The following IL1RAPL2 variants were observed in gnomAD, a reference collection of about 807,000 sequenced individuals.
IL1RAPL2 encodes interleukin 1 receptor accessory protein like 2, also known as X-linked interleukin-1 receptor accessory protein-like 2.
In IL1RAPL2, 3 loss-of-function variants were observed where a neutral mutation model predicts 44.1. The ratio of observed to expected loss-of-function variants is 0.07; its 90% CI spans 0.03 to 0.18. The LOEUF (loss-of-function observed/expected upper bound fraction) is 0.18. Ranked by LOEUF, IL1RAPL2 falls within the 10% of genes least tolerant of loss-of-function variation. IL1RAPL2 has a pLI of 1.00. For synonymous variants in IL1RAPL2, 181 were observed against 178.8 expected (o/e 1.01, Z -0.10); for missense variants, 391 against 496.4 (o/e 0.79, Z 2.02).
chrX:104,820,895 C>T (rs1279551617), intron 2 of IL1RAPL2, among the ~76,000 whole-genome samples: 1 of 112,359 alleles, frequency 8.9e-6, no homozygotes, highest in Non-Finnish European at 1.9e-5. Flanking sequence ...GTGATACTCT[C>T]ATATGTTTCT....
intron 5 of IL1RAPL2, among the ~76,000 whole-genome samples, chrX:105,396,528 T>C (rs1478233171): frequency 4.0e-5 from 4 of 101,078 alleles, no homozygotes; most frequent in African/African-American, 1.1e-4. Flanking sequence ...ATGTCTTTTA[T>C]GTTATTTAAT....
intron 2 of IL1RAPL2, among the ~76,000 whole-genome samples, chrX:104,920,342 C>T (rs1383461938): frequency 9.1e-6 from 1 of 110,332 alleles, no homozygotes; most frequent in Non-Finnish European, 1.9e-5. Flanking sequence ...TTGCCTCAGG[C>T]TGTGCTTTTT....
At chrX:105,645,362 T>C (rs2037598335) in intron 6 of IL1RAPL2, among the ~76,000 whole-genome samples, 1 of 112,149 alleles carries the variant, frequency 8.9e-6, no homozygotes, top group African/African-American at 3.2e-5. Context: ...CTTTTGTGTA[T>C]ATTTTGAGGA....
chrX:105,410,466 A>G (rs1307527126), intron 5 of IL1RAPL2, among the ~76,000 whole-genome samples: 1 of 110,639 alleles, frequency 9.0e-6, no homozygotes, highest in African/African-American at 3.3e-5. Context: ...CAGACTGCGC[A>G]AAGTGGAGAC....
chrX:104,828,258 G>A (rs761751589), intron 2 of IL1RAPL2, among the ~76,000 whole-genome samples: 6 of 111,954 alleles, frequency 5.4e-5, no homozygotes, highest in Admixed American at 4.8e-4. Flanking sequence ...CCTCTTCTTC[G>A]TGGATTTATC....
At chrX:105,382,563 G>C (rs1412857323) in intron 5 of IL1RAPL2, among the ~76,000 whole-genome samples, 1 of 102,742 alleles carries the variant, frequency 9.7e-6, no homozygotes, top group East Asian at 3.0e-4. Context: ...TCAGTGTGGC[G>C]ATTCCTCAGG....
chrX:105,720,471 G>C (rs1161010148), intron 7 of IL1RAPL2, among the ~76,000 whole-genome samples: 2 of 110,161 alleles, frequency 1.8e-5, no homozygotes, highest in Non-Finnish European at 3.8e-5. Context: ...TTTTGCTCTG[G>C]ATTATTTCAT....
rs146182957 is a variant in IL1RAPL2, at chrX:105,113,235, G to C, written c.83-82240G>C. On this transcript the variant is annotated intron_variant, in intron 2 of 10. Transcript: ENST00000372582. ...TTGAATGAGCACAGCTATCCCCCTGGGGAGTTCCATTAAGGATAACAGTGA... is the reference window on the plus strand; with the variant it reads ...TTGAATGAGCACAGCTATCCCCCTGCGGAGTTCCATTAAGGATAACAGTGA... 8.2e-3 allele frequency among the ~76,000 whole-genome samples: 917 copies of C among 112,359 alleles called. 8 individuals carry two copies. Among genetic ancestry groups the C allele is most frequent in the Non-Finnish European group, 0.012 (658 of 53,244 alleles).
chrX:104,842,513 T>C (rs1403418854), intron 2 of IL1RAPL2, among the ~76,000 whole-genome samples: 2 of 112,184 alleles, frequency 1.8e-5, no homozygotes, highest in Admixed American at 9.4e-5. Context: ...TGTTTTTCCC[T>C]CATCTTCGTG....
At chrX:105,388,355 G>GTTTTTT (rs1907212482) in intron 5 of IL1RAPL2, among the ~76,000 whole-genome samples, 1 of 58,220 alleles carries the variant, frequency 1.7e-5, no homozygotes, top group African/African-American at 1.5e-4. Context: ...TACCAAAGCA[G>GTTTTTT]ATTTTTTTTT....
chrX:105,100,175 T>G (rs2032654462), intron 2 of IL1RAPL2, among the ~76,000 whole-genome samples: 1 of 112,173 alleles, frequency 8.9e-6, no homozygotes. Context: ...ATCATAGATC[T>G]GTATGTAGAC....
intron 6 of IL1RAPL2, among the ~76,000 whole-genome samples, chrX:105,712,800 C>T (rs1045348268): frequency 8.9e-6 from 1 of 111,875 alleles, no homozygotes; most frequent in Non-Finnish European, 1.9e-5. Context: ...AAGGCAACTC[C>T]GTTCCACCTA....
intron 1 of IL1RAPL2, among the ~76,000 whole-genome samples, chrX:104,621,212 A>G (rs1187358260): frequency 9.3e-6 from 1 of 107,077 alleles, no homozygotes; most frequent in African/African-American, 3.4e-5. Context: ...ATCAAGGTCT[A>G]ATTAGAGAAG....
chrX:105,134,347 C>T (rs1164014712), intron 2 of IL1RAPL2, among the ~76,000 whole-genome samples: 10 of 112,262 alleles, frequency 8.9e-5, no homozygotes, highest in Non-Finnish European at 1.5e-4. Flanking sequence ...GAGCTTTCTT[C>T]CTTACCCCAT....
chrX:104,837,439 A>G (rs936333972), intron 2 of IL1RAPL2, among the ~76,000 whole-genome samples: 1 of 111,834 alleles, frequency 8.9e-6, no homozygotes, highest in Non-Finnish European at 1.9e-5. Context: ...GTGAGATGGT[A>G]TCTCACTGTG....
Position 104,723,638 on chromosome X carries a change from T to C in IL1RAPL2, c.82+64643T>C, listed in dbSNP as rs200943718. ...AGGGTGAACAACAACAAAAAAATCCTACCCACAGAGAAATGACAAGGAATT... is the reference window on the plus strand; with the variant it reads ...AGGGTGAACAACAACAAAAAAATCCCACCCACAGAGAAATGACAAGGAATT... On this transcript the variant is annotated intron_variant, in intron 2 of 10. Transcript: ENST00000372582. Among the ~76,000 whole-genome samples the C allele has an allele frequency of 2.7e-5, 3 of 110,788 alleles. No individual in the cohort carries two copies. In the East Asian group the frequency reaches 8.6e-4, roughly 32 times the overall value.
At chrX:105,095,905 C>T (rs762373126) in intron 2 of IL1RAPL2, among the ~76,000 whole-genome samples, 2 of 111,714 alleles carry the variant, frequency 1.8e-5, no homozygotes, top group Non-Finnish European at 3.8e-5. Context: ...ATGAAAAGAT[C>T]GCCCACAGAA....
chrX:105,600,741 T>G (rs1181085435), intron 6 of IL1RAPL2, among the ~76,000 whole-genome samples: 1 of 110,130 alleles, frequency 9.1e-6, no homozygotes, highest in Non-Finnish European at 1.9e-5. Flanking sequence ...CTACACATAG[T>G]TTTAGCCATT....
intron 2 of IL1RAPL2, among the ~76,000 whole-genome samples, chrX:105,126,457 C>A (rs1487161101): frequency 9.0e-6 from 1 of 110,961 alleles, no homozygotes; most frequent in African/African-American, 3.3e-5. Flanking sequence ...TAGCAAACAT[C>A]CCTGCATAAT....
Sources: gnomAD v4.1 joint callset for allele counts (sites outside exome capture counted in the v4.1 genomes callset) on GRCh38, gnomAD v4.1.1 for gene constraint, MANE v1.5 for transcripts, NCBI Gene and HGNC (gene_info 2026-07-23, HGNC 2026-07-21) for gene names.